CACNA1I: variants seen among roughly 807,000 people sequenced by gnomAD.
CACNA1I encodes voltage-dependent T-type calcium channel subunit alpha-1I.
A neutral mutation model predicts 201.6 loss-of-function variants in CACNA1I; 74 were observed. The ratio of observed to expected loss-of-function variants is 0.37; its 90% CI spans 0.30 to 0.45. The LOEUF (loss-of-function observed/expected upper bound fraction) is 0.45, where lower values mean the gene tolerates loss of function less well. CACNA1I is among the 20% of genes least tolerant of loss of function. CACNA1I has a pLI of 1.00. For missense variants in CACNA1I, 2,346 were observed against 3,138.1 expected (o/e 0.75, Z 6.03); for synonymous variants, 1,431 against 1,345.2 (o/e 1.06, Z -1.40).
intron 4 of CACNA1I, among the ~76,000 whole-genome samples, chr22:39,625,604 T>C (rs1462369406): frequency 6.6e-6 from 1 of 152,194 alleles, no homozygotes; most frequent in African/African-American, 2.4e-5. Context: ...CAGAATCGTA[T>C]AAAATACATG....
At chr22:39,588,024 C>G (rs1027641622) in intron 1 of CACNA1I, among the ~76,000 whole-genome samples, 1 of 152,046 alleles carries the variant, frequency 6.6e-6, no homozygotes, top group Admixed American at 6.5e-5. Flanking sequence ...GATCTGCCTG[C>G]CTTGGCCTCC....
At chr22:39,645,602 A>G (rs1246984418) in intron 7 of CACNA1I, among the ~76,000 whole-genome samples, 1 of 152,180 alleles carries the variant, frequency 6.6e-6, no homozygotes, top group African/African-American at 2.4e-5. Context: ...CCTCTGGGCC[A>G]GCAACCCTCC....
intron 5 of CACNA1I, among the ~76,000 whole-genome samples, chr22:39,635,868 C>T (rs1039072075): frequency 2.0e-5 from 3 of 152,204 alleles, no homozygotes; most frequent in Admixed American, 2.0e-4. Context: ...AGAGGCCTTC[C>T]CTCGCCCTCC....
At chr22:39,646,487 C>T in intron 7 of CACNA1I, 82 bp from the exon 8 acceptor site, 1 of 1,468,568 alleles carries the variant, frequency 6.8e-7, no homozygotes, top group Non-Finnish European at 9.1e-7. Context: ...CTGCTGTCCC[C>T]ACTCCATGAC....
intron 23 of CACNA1I, among the ~76,000 whole-genome samples, chr22:39,667,206 C>T (rs974019875): frequency 3.3e-5 from 5 of 152,196 alleles, no homozygotes; most frequent in Non-Finnish European, 7.3e-5. Flanking sequence ...GTAGGAGCCT[C>T]CTGTGCCCTT....
intron 1 of CACNA1I, among the ~76,000 whole-genome samples, chr22:39,592,296 G>A (rs576806470): frequency 6.6e-6 from 1 of 152,334 alleles, no homozygotes; most frequent in South Asian, 2.1e-4. Flanking sequence ...TGGTACTGTG[G>A]CTGTGCCGAG....
Position 39,685,805 on chromosome 22 carries a change from C to A in CACNA1I, c.6072C>A (p.Ser2024=). 6.7e-7 allele frequency: 1 copy of A among 1,495,852 alleles called. No individual in the cohort carries two copies. Among genetic ancestry groups the A allele is most frequent in the South Asian group, 1.2e-5 (1 of 80,726 alleles). The allele number at this position is 1,495,852 out of a possible 1,614,324, so 92.7% of individuals were successfully genotyped here. The change falls in exon 37 of 37, where the codon TCC becomes TCA. Residue 2024 remains serine, a synonymous_variant. Coordinates refer to ENST00000402142, the MANE Select transcript of CACNA1I (RefSeq NM_021096.4). The surrounding 1 kb of genome is among the most constrained non-coding windows in gnomAD (Gnocchi z 5.0). ...CGCTGGACGCCAGCCCCAGCAGCTCCGCGGGCAGCCTGCAGACCACGCTCG... is the reference window on the plus strand; with the variant it reads ...CGCTGGACGCCAGCCCCAGCAGCTCAGCGGGCAGCCTGCAGACCACGCTCG... ...DTSLDASPSS[S]AGSLQTTLED... is the part of the protein sequence containing the mutation.
chr22:39,614,004 AT>A (rs914227399), intron 3 of CACNA1I, among the ~76,000 whole-genome samples: 1 of 151,596 alleles, frequency 6.6e-6, no homozygotes, highest in South Asian at 2.1e-4. Context: ...TGCCCAGCTA[AT>A]TTTTTTTTAT....
At chr22:39,577,449 C>T (rs564486974) in intron 1 of CACNA1I, among the ~76,000 whole-genome samples, 52 of 152,346 alleles carry the variant, frequency 3.4e-4, no homozygotes, top group Admixed American at 2.7e-3. Context: ...CCAGGGCGCC[C>T]GGTCTCCTCA....
rs1403160072 is a variant in CACNA1I, at chr22:39,676,525, A to G, written c.4855-816A>G. On this transcript the variant is annotated intron_variant, in intron 29 of 36. Transcript: ENST00000402142. The surrounding 1 kb of genome is among the most constrained non-coding windows in gnomAD (Gnocchi z 4.8). ...TGTGTTTTAGCCTTATCTTATCCAT[A>G]GCATGAGTTAAAGGTGGTCTCCAAT... 6.6e-6 allele frequency among the ~76,000 whole-genome samples: 1 copy of G among 152,228 alleles called. No homozygotes were observed. Among genetic ancestry groups the G allele is most frequent in the Non-Finnish European group, 1.5e-5 (1 of 68,048 alleles).
rs1002133362 is a variant in CACNA1I at position 39,640,027 on chromosome 22, A to G, written c.741-840A>G. ...TTTTTGATTAGGATTGCAATGAAGCATAGATTAACCCTTCTGGATGGTCAT... is the reference window on the plus strand; with the variant it reads ...TTTTTGATTAGGATTGCAATGAAGCGTAGATTAACCCTTCTGGATGGTCAT... On this transcript the variant is annotated intron_variant, in intron 5 of 36. Coordinates refer to ENST00000402142, the MANE Select transcript of CACNA1I (RefSeq NM_021096.4). Among the ~76,000 whole-genome samples the G allele has an allele frequency of 4.6e-5, 7 of 152,212 alleles. 1 individual carries two copies. Among genetic ancestry groups the G allele is most frequent in the Admixed American group, 2.6e-4 (4 of 15,286 alleles).
rs1344729420 is a variant in CACNA1I, at chr22:39,599,416, G to A, written c.349-1104G>A. ...GGGCGGATCACGAGGTCAGGAGATC[G>A]AGACCATCCCGGCTAAAATGGTGAA... On this transcript the variant is annotated intron_variant, in intron 2 of 36. Transcript: ENST00000402142. Among the ~76,000 whole-genome samples, 22 of 140,702 alleles carry A rather than the reference G, an allele frequency of 1.6e-4. No individual in the cohort carries two copies. In the East Asian group the frequency reaches 3.3e-3, roughly 21 times the overall value. The allele number at this position is 140,702 out of a possible 152,430, so 92.3% of individuals were successfully genotyped here.
intron 3 of CACNA1I, among the ~76,000 whole-genome samples, chr22:39,618,408 T>C (rs936080751): frequency 6.6e-6 from 1 of 151,786 alleles, no homozygotes; most frequent in African/African-American, 2.4e-5. Context: ...TGTGTGGTTG[T>C]GTGCATGTAC....
At position 39,666,011 on chromosome 22, in the gene CACNA1I, GCAC is replaced by G. The variant is rs1935181580; in HGVS notation, c.4104+10_4104+12del. On this transcript the variant is annotated splice_donor_region_variant and intron_variant, in intron 23 of 36. Coordinates refer to ENST00000402142, the MANE Select transcript of CACNA1I (RefSeq NM_021096.4). This position sits in a 1 kb window ranked among gnomAD's most constrained non-coding sequence, Gnocchi z 4.1. ...AACTTCGACAACCTGGGCCAGGTGA[GCAC>G]CACCGTCCTAGCCCTGATCAGACCC... 9.9e-6 allele frequency: 16 copies of G among 1,613,250 alleles called. No individual in the cohort carries two copies. Among genetic ancestry groups the G allele is most frequent in the Non-Finnish European group, 1.4e-5 (16 of 1,179,674 alleles).
intron 7 of CACNA1I, among the ~76,000 whole-genome samples, 183 bp from the exon 8 acceptor site, chr22:39,646,386 T>G (rs1420874834): frequency 6.6e-6 from 1 of 152,006 alleles, no homozygotes; most frequent in Non-Finnish European, 1.5e-5. Flanking sequence ...GGTTGGTCCC[T>G]GCCCCTCCTC....
chr22:39,626,603 T>A (rs1933907227), intron 4 of CACNA1I, among the ~76,000 whole-genome samples: 1 of 152,084 alleles, frequency 6.6e-6, no homozygotes, highest in South Asian at 2.1e-4. Context: ...GGCTAAAGTT[T>A]TTTTTTTTCT....
intron 33 of CACNA1I, 139 bp from the exon 34 acceptor site, chr22:39,680,791 C>T (rs894515160): frequency 5.9e-5 from 51 of 866,204 alleles, no homozygotes; most frequent in Non-Finnish European, 7.3e-5. Flanking sequence ...ACACATCATC[C>T]GTGTCCAGCA....
rs139682791 is a variant in CACNA1I, at chr22:39,632,598, G to A, written c.581-1967G>A. ...TCTGTGTGTGTGTGGGGGGAGGGTT[G>A]GGGGGGTAAAAAATGGGTCTTGTTT... On this transcript the variant is annotated intron_variant, in intron 4 of 36. Transcript: ENST00000402142. Among the ~76,000 whole-genome samples the A allele has an allele frequency of 2.6e-3, 391 of 151,436 alleles. 1 individual carries two copies. The highest frequency in any genetic ancestry group is 3.6e-3 in the Non-Finnish European group (244 of 67,976).
In CACNA1I at chr22:39,629,985, C is replaced by T. The variant is rs993639015; in HGVS notation, c.581-4580C>T. On this transcript the variant is annotated intron_variant, in intron 4 of 36. Transcript: ENST00000402142. This position sits in a 1 kb window ranked among gnomAD's most constrained non-coding sequence, Gnocchi z 4.8. Reference sequence around the variant, plus strand: ...AGCTCAAGTCTTCCAGCCCCCTGGCCCTGTCTCCTCCCCAGCCTCATCCCT... The same window carrying T: ...AGCTCAAGTCTTCCAGCCCCCTGGCTCTGTCTCCTCCCCAGCCTCATCCCT... 3.3e-5 allele frequency among the ~76,000 whole-genome samples: 5 copies of T among 152,208 alleles called. No individual in the cohort carries two copies. The highest frequency in any genetic ancestry group is 5.9e-5 in the Non-Finnish European group (4 of 68,036).
Sources: gnomAD v4.1 joint callset for allele counts (sites outside exome capture counted in the v4.1 genomes callset) on GRCh38, gnomAD v4.1.1 for gene constraint, Gnocchi (gnomAD v3.1) non-coding constraint, MANE v1.5 for transcripts, NCBI Gene and HGNC (gene_info 2026-07-23, HGNC 2026-07-21) for gene names.